The following RDH14 variants were observed in gnomAD, a reference collection of about 807,000 sequenced individuals.
RDH14 encodes the protein retinol dehydrogenase 14, also known as alcohol dehydrogenase PAN2.
RDH14 carries 17 observed loss-of-function variants against 19.3 expected under a neutral mutation model. That is an observed-to-expected ratio of 0.88 (90% CI 0.60 to 1.32). The LOEUF is 1.32. Among genes scored for constraint, RDH14 ranks in the 40% most tolerant of loss-of-function variants. RDH14 has a pLI of 0.00. For synonymous variants in RDH14, 215 were observed against 188.9 expected, an observed-to-expected ratio of 1.14 and a Z score of -1.13; for missense variants, 534 against 449.2, an observed-to-expected ratio of 1.19 and a Z score of -1.71.
Position 18,555,308 on chromosome 2 carries a change from C to T in RDH14, c.894G>A (p.Val298=), listed in dbSNP as rs1663878652. The change falls in exon 2 of 2, where the codon GTG becomes GTA. Residue 298 remains valine (V), a synonymous_variant. Coordinates refer to ENST00000381249, the MANE Select transcript of RDH14 (RefSeq NM_020905.4). ...TACAATCCCCAAAGTATCTTCCTGA[C>T]ACTCCTTCTACCTCAGGTGAAGAGG... The part of the protein sequence containing the change: ...YLASSPEVEG[V]SGRYFGDCKE... The T allele has an allele frequency of 6.2e-7, 1 of 1,613,974 alleles. No homozygotes were observed. Among genetic ancestry groups the T allele is most frequent in the South Asian group, 1.1e-5 (1 of 91,084 alleles).
intron 1 of RDH14, among the ~76,000 whole-genome samples, chr2:18,558,922 G>A (rs1202743373): frequency 6.6e-6 from 1 of 152,166 alleles, no homozygotes; most frequent in Non-Finnish European, 1.5e-5. Flanking sequence ...ATATGTGATT[G>A]ATGTCTCATG....
At chr2:18,556,653 C>CT (rs1260863729) in intron 1 of RDH14, among the ~76,000 whole-genome samples, 3 of 152,260 alleles carry the variant, frequency 2.0e-5, no homozygotes, top group Admixed American at 6.5e-5. Flanking sequence ...AAGATGAAGT[C>CT]TTTGACACCA....
chr2:18,560,287 C>A lies in RDH14; in HGVS notation c.286G>T (p.Glu96Ter). Residue 96 changes from glutamate to a stop codon, truncating the protein, a stop_gained, in exon 1 of 2, where the codon GAG becomes TAG. Coordinates refer to ENST00000381249, the MANE Select transcript of RDH14 (RefSeq NM_020905.4). LOFTEE classifies it high-confidence loss of function. ...QLRRELRQAA[E>*]CGPEPGVSGV... ...CTGACGCCAGGCTCTGGGCCGCACT[C>A]CGCGGCCTGGCGGAGCTCGCGGCGG... 1 of 1,493,072 alleles carries A rather than the reference C, an allele frequency of 6.7e-7. No homozygotes were observed. 92.5% of individuals were successfully genotyped at this position (1,493,072 alleles called of 1,614,324 possible). A position where few individuals can be genotyped will look rare whatever the true frequency, so the allele number is the denominator to read the frequency against.
rs1553322762 is a variant in RDH14, at chr2:18,554,844, C to CA, written c.*346dup. 5.1e-6 allele frequency: 1 copy of CA among 195,942 alleles called. No individual in the cohort carries two copies. Among genetic ancestry groups the CA allele is most frequent in the African/African-American group, 2.4e-5 (1 of 42,504 alleles). 12.1% of individuals were successfully genotyped at this position (195,942 alleles called of 1,614,324 possible). A position where few individuals can be genotyped will look rare whatever the true frequency, so the allele number is the denominator to read the frequency against. ...TAGTTAACACTTTGGCCATGAAACT[C>CA]AAAGATACTTGAAAAACCTCTCGAT... On this transcript the variant is annotated 3_prime_UTR_variant, in exon 2 of 2. Transcript: ENST00000381249.
At chr2:18,558,896 C>T (rs1371449806) in intron 1 of RDH14, among the ~76,000 whole-genome samples, 1 of 152,160 alleles carries the variant, frequency 6.6e-6, no homozygotes, top group Admixed American at 6.6e-5. Context: ...TCCAGGAGAA[C>T]CAATGTATAC....
intron 1 of RDH14, among the ~76,000 whole-genome samples, chr2:18,557,238 T>C (rs1663947734): frequency 6.6e-6 from 1 of 152,024 alleles, no homozygotes; most frequent in African/African-American, 2.4e-5. Flanking sequence ...ATGTTCCAAG[T>C]GTAAAGACAC....
chr2:18,559,723 G>A (rs942317862), intron 1 of RDH14, among the ~76,000 whole-genome samples: 1 of 152,100 alleles, frequency 6.6e-6, no homozygotes, highest in African/African-American at 2.4e-5. Context: ...AGGGGCAGAG[G>A]CCGGGGGAAG....
intron 1 of RDH14, among the ~76,000 whole-genome samples, chr2:18,557,309 T>C (rs1214908304): frequency 1.3e-5 from 2 of 152,210 alleles, no homozygotes; most frequent in Non-Finnish European, 2.9e-5. Flanking sequence ...TTCTGCCAAC[T>C]ATAAGTGAAA....
intron 1 of RDH14, among the ~76,000 whole-genome samples, chr2:18,559,859 T>C (rs1020883980): frequency 3.3e-5 from 5 of 152,206 alleles, no homozygotes; most frequent in Admixed American, 6.5e-5. Context: ...TCAGAGGCCA[T>C]GGATCTACTT....
At chr2:18,556,522 C>G (rs2346135) in intron 1 of RDH14, among the ~76,000 whole-genome samples, 1 of 152,044 alleles carries the variant, frequency 6.6e-6, no homozygotes, top group East Asian at 1.9e-4. Context: ...AGGAGCCAGG[C>G]TTTGTGCTTT....
At position 18,560,243 on chromosome 2, in the gene RDH14, T is replaced by C; in HGVS notation, c.330A>G (p.Ile110Met). ...GCGAGGCGAGGTCCAGCTCCCGGAC[T>C]ATGAGCTCGCCCACCCCGCTGACGC... ...EPGVSGVGEL[I>M]VRELDLASLR... Residue 110 changes from isoleucine (I) to methionine (M), a missense_variant, in exon 1 of 2, where the codon ATA (isoleucine) becomes ATG (methionine). By Grantham distance (10) the Ile-to-Met change is conservative. Coordinates refer to ENST00000381249, the MANE Select transcript of RDH14 (RefSeq NM_020905.4). 3 of 1,524,350 alleles carry C rather than the reference T, an allele frequency of 2.0e-6. No homozygotes were observed. Among genetic ancestry groups the C allele is most frequent in the South Asian group, 1.2e-5 (1 of 83,780 alleles). The allele number at this position is 1,524,350 out of a possible 1,614,324, so 94.4% of individuals were successfully genotyped here.
Position 18,555,610 on chromosome 2 carries a change from C to T in RDH14, c.592G>A (p.Gly198Arg), listed in dbSNP as rs201424633. ...TTCAAGTCATCAAAATTGATGTCTC[C>T]GTATTTATAAAGTTTGGAAGAAACT... ...VVVSSKLYKY[G>R]DINFDDLNSE... Residue 198 changes from glycine to arginine, a missense_variant, in exon 2 of 2, where the codon GGA becomes AGA. Transcript: ENST00000381249. 9 of 1,613,826 alleles carry T rather than the reference C, an allele frequency of 5.6e-6. No individual in the cohort carries two copies. The highest frequency in any genetic ancestry group is 1.1e-5 in the South Asian group (1 of 91,078).
intron 1 of RDH14, among the ~76,000 whole-genome samples, chr2:18,558,823 T>C (rs763155243): frequency 6.6e-6 from 1 of 152,216 alleles, no homozygotes; most frequent in Non-Finnish European, 1.5e-5. Flanking sequence ...CCCAAAAGAA[T>C]GCAACCTTTT....
chr2:18,560,650 G>A lies in RDH14; in HGVS notation c.-78C>T. On this transcript the variant is annotated 5_prime_UTR_variant, in exon 1 of 2. Transcript: ENST00000381249. The stretch of plus-strand genomic sequence containing the variant: ...CTTACCGGAACCCAAGAGACCACCT[G>A]TACGCGGAGAACGCTGGGGCGCGGC... The A allele has an allele frequency of 7.4e-7, 1 of 1,358,540 alleles. No individual in the cohort carries two copies. Among genetic ancestry groups the A allele is most frequent in the East Asian group, 3.1e-5 (1 of 32,142 alleles). 84.2% of individuals were successfully genotyped at this position (1,358,540 alleles called of 1,614,324 possible).
intron 1 of RDH14, among the ~76,000 whole-genome samples, chr2:18,556,497 A>G (rs146218921): frequency 3.3e-5 from 5 of 152,342 alleles, no homozygotes; most frequent in African/African-American, 1.2e-4. Flanking sequence ...AAAAAAATAG[A>G]TGCAGAAGCT....
At chr2:18,559,736 G>T (rs1426200036) in intron 1 of RDH14, among the ~76,000 whole-genome samples, 2 of 152,056 alleles carry the variant, frequency 1.3e-5, no homozygotes, top group East Asian at 1.9e-4. Context: ...GGGGGAAGGA[G>T]AACTTTTTTT....
chr2:18,555,832 G>T (rs1663902239), intron 1 of RDH14, 24 bp from the exon 2 acceptor site: 1 of 1,573,624 alleles, frequency 6.4e-7, no homozygotes, highest in Admixed American at 1.8e-5. Flanking sequence ...AAAGAGAATG[G>T]CAGAATTATT....
chr2:18,555,901 G>T, intron 1 of RDH14, 93 bp from the exon 2 acceptor site: 1 of 1,490,638 alleles, frequency 6.7e-7, no homozygotes, highest in Non-Finnish European at 8.9e-7. Context: ...TAATAAAAAT[G>T]GGCACTTGAG....
intron 1 of RDH14, among the ~76,000 whole-genome samples, chr2:18,556,825 G>A (rs961417523): frequency 1.3e-5 from 2 of 152,142 alleles, no homozygotes; most frequent in Non-Finnish European, 2.9e-5. Context: ...GCAAACTTAT[G>A]GTTGCTTTAT....
Sources: allele counts gnomAD v4.1 joint callset (sites outside exome capture counted in the v4.1 genomes callset), GRCh38; gene constraint gnomAD v4.1.1; transcripts MANE v1.5; gene names NCBI Gene and HGNC (gene_info 2026-07-23, HGNC 2026-07-21).